TBC1D4: variants seen among roughly 807,000 people sequenced by gnomAD.
The protein encoded by TBC1D4 is TBC1 domain family member 4, also known as TBC (Tre-2, BUB2, CDC16) domain-containing protein.
Under a neutral mutation model 142.5 loss-of-function variants are expected in TBC1D4, and 121 were observed. That is an observed-to-expected ratio of 0.85 (90% CI 0.73 to 0.99). The LOEUF (loss-of-function observed/expected upper bound fraction) is 0.99. Among genes scored for constraint, TBC1D4 ranks in the 50% least tolerant of loss-of-function variants. The probability of loss-of-function intolerance (pLI) is 0.00; values close to 1 mark genes in which losing one functional copy is unlikely to be tolerated. For missense variants in TBC1D4, 1,475 were observed against 1,606.6 expected, an observed-to-expected ratio of 0.92 and a Z score of 1.40; for synonymous variants, 630 against 628.2, an observed-to-expected ratio of 1.00 and a Z score of -0.04.
chr13:75,436,648 C>A (rs1436243240), intron 1 of TBC1D4, among the ~76,000 whole-genome samples: 4 of 149,416 alleles, frequency 2.7e-5, no homozygotes, highest in Non-Finnish European at 5.9e-5. Context: ...CAGAGTGAGA[C>A]CCTGTCTCCA....
chr13:75,444,452 T>C (rs1887189161), intron 1 of TBC1D4, among the ~76,000 whole-genome samples: 1 of 152,164 alleles, frequency 6.6e-6, no homozygotes, highest in Non-Finnish European at 1.5e-5. Flanking sequence ...GAAAATTAAA[T>C]GCTGTGATCA....
intron 1 of TBC1D4, among the ~76,000 whole-genome samples, chr13:75,477,617 T>G (rs867742368): frequency 6.6e-5 from 10 of 152,356 alleles, no homozygotes; most frequent in South Asian, 4.1e-4. Context: ...GCTTTATTTT[T>G]TATTGTAGTA....
At chr13:75,329,959 T>C (rs1018571417) in intron 8 of TBC1D4, among the ~76,000 whole-genome samples, 3 of 152,242 alleles carry the variant, frequency 2.0e-5, no homozygotes, top group African/African-American at 7.2e-5. Context: ...CACAACGACG[T>C]GCCTTAGCAT....
At chr13:75,293,231 A>G (rs1265330926) in intron 18 of TBC1D4, among the ~76,000 whole-genome samples, 1 of 152,226 alleles carries the variant, frequency 6.6e-6, no homozygotes, top group African/African-American at 2.4e-5. Context: ...AATCTATGTC[A>G]TTCTTTAATC....
chr13:75,403,963 T>C (rs1885213071), intron 1 of TBC1D4, among the ~76,000 whole-genome samples: 1 of 152,102 alleles, frequency 6.6e-6, no homozygotes, highest in African/African-American at 2.4e-5. Context: ...TAAAAGATTA[T>C]ACACAATGCT....
intron 1 of TBC1D4, among the ~76,000 whole-genome samples, chr13:75,378,299 TC>T: frequency 6.6e-6 from 1 of 152,286 alleles, no homozygotes; most frequent in East Asian, 1.9e-4. Context: ...TTTAAAATGA[TC>T]AGCTTTTGAA....
At chr13:75,298,544 A>C (rs1021607430) in intron 17 of TBC1D4, among the ~76,000 whole-genome samples, 3 of 152,202 alleles carry the variant, frequency 2.0e-5, no homozygotes, top group African/African-American at 7.2e-5. Flanking sequence ...TGAGGTCAGG[A>C]GTTCAACACC....
intron 3 of TBC1D4, among the ~76,000 whole-genome samples, 189 bp downstream of exon 3, chr13:75,359,580 G>A (rs1452327388): frequency 3.3e-5 from 5 of 152,306 alleles, no homozygotes; most frequent in East Asian, 1.9e-4. Flanking sequence ...CAAGGGACCT[G>A]GGCAGGATTT....
intron 14 of TBC1D4, 59 bp downstream of exon 14, chr13:75,309,883 G>A (rs374118504): frequency 6.4e-7 from 1 of 1,573,522 alleles, no homozygotes. Flanking sequence ...AGAAAGGTAG[G>A]TTTAACATAC....
chr13:75,460,279 A>G (rs1593910837), intron 1 of TBC1D4, among the ~76,000 whole-genome samples: 1 of 152,240 alleles, frequency 6.6e-6, no homozygotes, highest in South Asian at 2.1e-4. Context: ...AATCAACAAT[A>G]AAAATACTCT....
In TBC1D4 at chr13:75,327,817, T is replaced by C. The variant is rs1879403467; in HGVS notation, c.1741A>G (p.Arg581Gly). 1.2e-6 allele frequency: 2 copies of C among 1,613,996 alleles called. No individual in the cohort carries two copies. Among genetic ancestry groups the C allele is most frequent in the Admixed American group, 3.3e-5 (2 of 60,016 alleles). Reference protein sequence around the residue: ...LENIFSRGANRMRGRLGSVDS... With the variant: ...LENIFSRGANGMRGRLGSVDS... ...ACACTTCCAAGCCGACCTCTCATTC[T>C]GTTAGCTCCCTGAGTGAAAAGAATA... Residue 581 changes from arginine to glycine, a missense_variant, in exon 9 of 21, where the codon AGA becomes GGA. By Grantham distance (125) the Arg-to-Gly change is moderately radical (BLOSUM62 -2). This residue lies in a region of TBC1D4 where 1,227 missense variants were observed against 1,267.7 expected (regional missense o/e 0.97). Transcript: ENST00000377636.
intron 1 of TBC1D4, among the ~76,000 whole-genome samples, chr13:75,423,986 A>G (rs1168335279): frequency 6.6e-6 from 1 of 152,238 alleles, no homozygotes; most frequent in African/African-American, 2.4e-5. Context: ...TATTTTTGAC[A>G]GTTTGAAAAA....
At chr13:75,431,802 A>C (rs1025414330) in intron 1 of TBC1D4, among the ~76,000 whole-genome samples, 5 of 152,212 alleles carry the variant, frequency 3.3e-5, no homozygotes, top group African/African-American at 1.2e-4. Flanking sequence ...AGATTCAGAT[A>C]ATTTATATTC....
At chr13:75,395,972 G>A (rs1381346908) in intron 1 of TBC1D4, among the ~76,000 whole-genome samples, 1 of 152,174 alleles carries the variant, frequency 6.6e-6, no homozygotes. Flanking sequence ...GCAGGATCAG[G>A]TTGGTTCTGC....
intron 1 of TBC1D4, among the ~76,000 whole-genome samples, chr13:75,386,274 G>A (rs12866708): frequency 6.6e-6 from 1 of 152,164 alleles, no homozygotes; most frequent in African/African-American, 2.4e-5. Flanking sequence ...CAATGAAAGA[G>A]AAGTTTTCAT....
In TBC1D4 at chr13:75,481,438, C is replaced by T. The variant is rs1436323020; in HGVS notation, c.330G>A (p.Thr110=). 8.1e-6 allele frequency: 13 copies of T among 1,613,714 alleles called. No individual in the cohort carries two copies. Among genetic ancestry groups the T allele is most frequent in the Non-Finnish European group, 1.1e-5 (13 of 1,179,804 alleles). ...AGATGAATACCGCCGGGTTGGGCTG[C>T]GTGGCCGACGGACTAGTGCCCCCCG... The part of the protein sequence containing the change: ...GASGGTSPSA[T]QPNPAVFIFE... The change falls in exon 1 of 21, where the codon ACG becomes ACA. Residue 110 remains threonine, a synonymous_variant. Coordinates refer to ENST00000377636, the MANE Select transcript of TBC1D4 (RefSeq NM_014832.5).
At chr13:75,433,897 A>G (rs1362524903) in intron 1 of TBC1D4, among the ~76,000 whole-genome samples, 1 of 152,230 alleles carries the variant, frequency 6.6e-6, no homozygotes, top group East Asian at 1.9e-4. Context: ...GTGGCCAACA[A>G]GCATATGAAA....
chr13:75,481,556 G>A lies in TBC1D4; in HGVS notation c.212C>T (p.Ala71Val). The change falls in exon 1 of 21, where the codon GCG becomes GTG. Residue 71 changes from alanine to valine, a missense_variant. By Grantham distance (64) the Ala-to-Val change is moderately conservative. Transcript: ENST00000377636. ...GGCCGCCGGCGCCCCGCAGCCGCCC[G>A]CCTCGGGCTTCTGGCTGCGCCTGCG... is the stretch of plus-strand genomic sequence containing the variant. ...EIRRRSQKPE[A>V]GGCGAPAARE... 1.3e-6 allele frequency: 2 copies of A among 1,596,884 alleles called. No individual in the cohort carries two copies. Among genetic ancestry groups the A allele is most frequent in the Non-Finnish European group, 8.5e-7 (1 of 1,171,768 alleles).
intron 1 of TBC1D4, 66 bp downstream of exon 1, chr13:75,481,204 C>CA: frequency 9.2e-6 from 13 of 1,408,428 alleles, no homozygotes; most frequent in East Asian, 2.6e-5. Context: ...GTCCCCGCCC[C>CA]TCCCGCCCTG....
Sources: allele counts gnomAD v4.1 joint callset (sites outside exome capture counted in the v4.1 genomes callset), GRCh38; gene constraint gnomAD v4.1.1; regional missense constraint gnomAD v4.1.1; transcripts MANE v1.5; gene names NCBI Gene and HGNC (gene_info 2026-07-23, HGNC 2026-07-21).